The following LAMP2 variants were observed in gnomAD, a reference collection of about 807,000 sequenced individuals.
LAMP2 encodes the protein lysosome associated membrane protein 2.
In LAMP2, 4 loss-of-function variants were observed where a neutral mutation model predicts 25.6. The observed-to-expected ratio is 0.16, with a 90% CI of 0.08 to 0.36. LAMP2 has a LOEUF of 0.36. Among genes scored for constraint, LAMP2 ranks in the 10% least tolerant of loss-of-function variants. LAMP2 has a pLI of 1.00. For missense variants in LAMP2, 272 were observed against 301.4 expected, an observed-to-expected ratio of 0.90 and a Z score of 0.72; for synonymous variants, 108 against 112.7, an observed-to-expected ratio of 0.96 and a Z score of 0.27.
At position 120,429,139 on chromosome X, in the gene LAMP2, T is replaced by C. The variant is rs2058511832; in HGVS notation, c.*2184A>G. On this transcript the variant is annotated 3_prime_UTR_variant, in exon 9 of 9. Coordinates refer to ENST00000200639, the MANE Select transcript of LAMP2 (RefSeq NM_002294.3). The stretch of plus-strand genomic sequence containing the variant: ...ATATGTGTATATATATGTGTGTGTG[T>C]ATATATATGTGTGTGTGTGTACATA... The C allele has an allele frequency of 1.5e-6, 1 of 683,617 alleles. No homozygotes were observed. Among genetic ancestry groups the C allele is most frequent in the South Asian group, 7.5e-5 (1 of 13,374 alleles). 56.3% of individuals were successfully genotyped at this position (683,617 alleles called of 1,213,427 possible).
Position 120,441,630 on chromosome X carries a change from A to T in LAMP2, c.1093+100T>A, listed in dbSNP as rs985577323. 3.2e-5 allele frequency: 23 copies of T among 714,713 alleles called. No homozygotes were observed. The South Asian group carries it at 4.1e-4, about 13-fold the overall frequency. The allele number at this position is 714,713 out of a possible 1,213,427, so 58.9% of individuals were successfully genotyped here. On this transcript the variant is annotated intron_variant, in intron 8 of 8. Coordinates refer to ENST00000200639, the MANE Select transcript of LAMP2 (RefSeq NM_002294.3). ...ACAATTTGGTCAAGGCTATGAATTC[A>T]TATTCCTCTATTTCAACGTTTAAAT...
In LAMP2 at chrX:120,428,506, C is replaced by T. The variant is rs1174359442; in HGVS notation, c.*2817G>A. 5 of 1,191,221 alleles carry T rather than the reference C, an allele frequency of 4.2e-6. No homozygotes were observed. Among genetic ancestry groups the T allele is most frequent in the African/African-American group, 3.5e-5 (2 of 56,519 alleles). On this transcript the variant is annotated 3_prime_UTR_variant, in exon 9 of 9. Coordinates refer to ENST00000200639, the MANE Select transcript of LAMP2 (RefSeq NM_002294.3). ...TGATTACACAGACTGATAACCAGTA[C>T]GACTTTTCCTTCTTCCAATCATATA...
rs1031405542 is a variant in LAMP2 at position 120,430,299 on chromosome X, C to T, written c.*1024G>A. On this transcript the variant is annotated 3_prime_UTR_variant, in exon 9 of 9. Coordinates refer to ENST00000200639, the MANE Select transcript of LAMP2 (RefSeq NM_002294.3). ...TGCCAACAGCTTCTCTTTACACCCC[C>T]ATCTATGCACTGCCCCACAGGGGCC... 6.6e-6 allele frequency: 5 copies of T among 753,227 alleles called. No individual in the cohort carries two copies. The African/African-American group carries it at 9.2e-5, about 14-fold the overall frequency. 62.1% of individuals were successfully genotyped at this position (753,227 alleles called of 1,213,427 possible). A position where few individuals can be genotyped will look rare whatever the true frequency, so the allele number is the denominator to read the frequency against.
In LAMP2 at chrX:120,427,604, A is replaced by G. The variant is rs2058503578; in HGVS notation, c.*3719T>C. 8.9e-6 allele frequency among the ~76,000 whole-genome samples: 1 copy of G among 112,104 alleles called. No homozygotes were observed. The highest frequency in any genetic ancestry group is 3.2e-5 in the African/African-American group (1 of 30,882). On this transcript the variant is annotated 3_prime_UTR_variant, in exon 9 of 9. Coordinates refer to ENST00000200639, the MANE Select transcript of LAMP2 (RefSeq NM_002294.3). Reference sequence around the variant, plus strand: ...AATATCAACTAGAGCATATTCACATAGGGAATGGGAGAGTGCAGGAGGCAC... The same window carrying G: ...AATATCAACTAGAGCATATTCACATGGGGAATGGGAGAGTGCAGGAGGCAC...
intron 8 of LAMP2, chrX:120,438,417 A>G (rs1000269978): frequency 1.2e-5 from 9 of 739,804 alleles, no homozygotes; most frequent in Non-Finnish European, 1.4e-5. Flanking sequence ...CCCAGTTGGA[A>G]TAGTCTTATA....
chrX:120,446,134 C>T (rs867611107), intron 6 of LAMP2, among the ~76,000 whole-genome samples, 171 bp downstream of exon 6: 1 of 110,890 alleles, frequency 9.0e-6, no homozygotes, highest in Non-Finnish European at 1.9e-5. Flanking sequence ...AGTCCACAGA[C>T]CATTGCACAG....
intron 8 of LAMP2, 48 bp downstream of exon 8, chrX:120,441,682 T>A (rs756423447): frequency 6.6e-6 from 7 of 1,057,463 alleles, no homozygotes; most frequent in Non-Finnish European, 7.9e-6. Context: ...AAAAGCCACC[T>A]GTCAACATAA....
intron 4 of LAMP2, among the ~76,000 whole-genome samples, chrX:120,448,278 T>G (rs1171014924): frequency 1.8e-5 from 2 of 112,269 alleles, no homozygotes; most frequent in Non-Finnish European, 3.8e-5. Context: ...TGCTCCCACA[T>G]GGCCACATAC....
chrX:120,433,523 G>C (rs2058531452), intron 8 of LAMP2, among the ~76,000 whole-genome samples: 2 of 111,550 alleles, frequency 1.8e-5, no homozygotes, highest in Non-Finnish European at 1.9e-5. Context: ...AAAAGCGTAA[G>C]ACATTAAGAA....
At chrX:120,434,386 G>A (rs42887) in intron 8 of LAMP2, among the ~76,000 whole-genome samples, 23,567 of 111,032 alleles carry the variant, frequency 0.21, 1,940 homozygotes, top group Admixed American at 0.36. Context: ...TACTTAAAAT[G>A]CTCTCAATTA....
intron 8 of LAMP2, chrX:120,439,043 C>A: frequency 8.6e-7 from 1 of 1,162,468 alleles, no homozygotes; most frequent in Non-Finnish European, 1.2e-6. Context: ...CCATACCACC[C>A]ATTCTAAAGA....
intron 5 of LAMP2, among the ~76,000 whole-genome samples, chrX:120,446,904 G>T (rs895504398): frequency 8.9e-6 from 1 of 112,048 alleles, no homozygotes; most frequent in Non-Finnish European, 1.9e-5. Flanking sequence ...AAAGTGTGAA[G>T]GAGTTATATT....
intron 8 of LAMP2, chrX:120,438,455 C>T (rs1421674042): frequency 1.1e-5 from 8 of 729,461 alleles, no homozygotes; most frequent in Non-Finnish European, 1.3e-5. Context: ...TTGAAATATC[C>T]AGTTTTTTTA....
In LAMP2 at chrX:120,431,250, GT is replaced by G. The variant is rs1178770428; in HGVS notation, c.*72del. The G allele has an allele frequency of 4.2e-6, 5 of 1,197,111 alleles. No homozygotes were observed. In the African/African-American group the frequency reaches 5.3e-5, roughly 13 times the overall value. The stretch of plus-strand genomic sequence containing the variant: ...ACATATCAATTTTAAGAAGCAAAGT[GT>G]TTCAACAACTGAGAGGTAAGAAAAT... On this transcript the variant is annotated 3_prime_UTR_variant, in exon 9 of 9. Coordinates refer to ENST00000200639, the MANE Select transcript of LAMP2 (RefSeq NM_002294.3).
rs190781020 is a variant in LAMP2, at chrX:120,428,414, G to A, written c.*2909C>T. On this transcript the variant is annotated 3_prime_UTR_variant, in exon 9 of 9. Coordinates refer to ENST00000200639, the MANE Select transcript of LAMP2 (RefSeq NM_002294.3). Reference sequence around the variant, plus strand: ...TCTTAAACAATCTATTGCACAGCATGTCCTGGCTTTTAGCCAATGGAAACG... The same window carrying A: ...TCTTAAACAATCTATTGCACAGCATATCCTGGCTTTTAGCCAATGGAAACG... 3 of 1,118,762 alleles carry A rather than the reference G, an allele frequency of 2.7e-6. No individual in the cohort carries two copies. The African/African-American group carries it at 5.6e-5, about 21-fold the overall frequency. The allele number at this position is 1,118,762 out of a possible 1,213,427, so 92.2% of individuals were successfully genotyped here. A position where few individuals can be genotyped will look rare whatever the true frequency, so the allele number is the denominator to read the frequency against.
chrX:120,454,936 T>G (rs1375448049), intron 3 of LAMP2, among the ~76,000 whole-genome samples: 3 of 96,617 alleles, frequency 3.1e-5, no homozygotes, highest in African/African-American at 1.2e-4. Flanking sequence ...CACACTAGGA[T>G]ATATATATAT....
Position 120,447,879 on chromosome X carries a change from C to T in LAMP2, c.703G>A (p.Ala235Thr). ...VNNGNDTCLL[A>T]TMGLQLNITQ... ...ATGTTCAGCTGCAGCCCCATGGTAGCCAGCAGACAAGTATCATTGCCATTA... is the reference window on the plus strand; with the variant it reads ...ATGTTCAGCTGCAGCCCCATGGTAGTCAGCAGACAAGTATCATTGCCATTA... Residue 235 changes from alanine (A) to threonine (T), a missense_variant, in exon 5 of 9, where the codon GCT becomes ACT. By Grantham distance (58) the Ala-to-Thr change is moderately conservative. Transcript: ENST00000200639. The T allele has an allele frequency of 8.3e-7, 1 of 1,209,448 alleles. No homozygotes were observed. Among genetic ancestry groups the T allele is most frequent in the East Asian group, 3.0e-5 (1 of 33,773 alleles).
chrX:120,446,519 G>A (rs766689440), intron 5 of LAMP2, 92 bp from the exon 6 acceptor site: 9 of 963,645 alleles, frequency 9.3e-6, no homozygotes, highest in Admixed American at 6.9e-5. Context: ...CAACTTCAGC[G>A]TAGAACAAAA....
chrX:120,464,001 C>T (rs1335637607), intron 1 of LAMP2, among the ~76,000 whole-genome samples: 3 of 108,983 alleles, frequency 2.8e-5, no homozygotes, highest in African/African-American at 1.0e-4. Context: ...GGCAGAACCT[C>T]GAAATCAAAG....
Sources: allele counts gnomAD v4.1 joint callset (sites outside exome capture counted in the v4.1 genomes callset), GRCh38; gene constraint gnomAD v4.1.1; transcripts MANE v1.5; gene names NCBI Gene and HGNC (gene_info 2026-07-23, HGNC 2026-07-21).